PDE1A: variants seen among roughly 807,000 people sequenced by gnomAD.
PDE1A encodes dual specificity calcium/calmodulin-dependent 3',5'-cyclic nucleotide phosphodiesterase 1A.
PDE1A carries 35 observed loss-of-function variants against 61.7 expected under a neutral mutation model. The observed-to-expected ratio is 0.57, with a 90% CI of 0.43 to 0.75. The LOEUF (loss-of-function observed/expected upper bound fraction) is 0.75, where lower values mean the gene tolerates loss of function less well. Among genes scored for constraint, PDE1A ranks in the 30% least tolerant of loss-of-function variants. The probability of loss-of-function intolerance (pLI) is 0.00; values close to 1 mark genes in which losing one functional copy is unlikely to be tolerated. For synonymous variants in PDE1A, 232 were observed against 213.2 expected, an observed-to-expected ratio of 1.09 and a Z score of -0.77; for missense variants, 597 against 630.6, an observed-to-expected ratio of 0.95 and a Z score of 0.57.
chr2:182,394,105 AC>A (rs1338197376), intron 1 of PDE1A, among the ~76,000 whole-genome samples: 1 of 152,084 alleles, frequency 6.6e-6, no homozygotes. Context: ...TTAGAGCAGA[AC>A]CCCAATCTAT....
the PDE1A span, among the ~76,000 whole-genome samples, chr2:182,690,389 A>C: frequency 6.6e-6 from 1 of 152,200 alleles, no homozygotes; most frequent in Non-Finnish European, 1.5e-5. Context: ...GCAAATCAAT[A>C]AACGTAATCC....
intron 2 of PDE1A, among the ~76,000 whole-genome samples, chr2:182,245,125 C>T (rs1209376668): frequency 2.0e-5 from 3 of 152,148 alleles, no homozygotes; most frequent in Non-Finnish European, 4.4e-5. Context: ...AGCATGATTA[C>T]CTAGAGAACT....
chr2:182,685,276 G>T, the PDE1A span, among the ~76,000 whole-genome samples: 2 of 151,994 alleles, frequency 1.3e-5, no homozygotes, highest in African/African-American at 4.8e-5. Context: ...ACTGCTTATT[G>T]TTAGTCTTTG....
chr2:182,162,542 C>T (rs183080726), intron 13 of PDE1A, among the ~76,000 whole-genome samples: 1 of 152,262 alleles, frequency 6.6e-6, no homozygotes, highest in East Asian at 1.9e-4. Context: ...GACCCAGAGC[C>T]CTTTAAGTGA....
chr2:182,177,960 T>C (rs533785301), intron 13 of PDE1A, among the ~76,000 whole-genome samples: 9 of 152,338 alleles, frequency 5.9e-5, no homozygotes, highest in Admixed American at 2.0e-4. Flanking sequence ...CTTTGAATAA[T>C]AGTATTTTAA....
chr2:182,364,488 A>AAAAAACAACAAC (rs1559379213), intron 1 of PDE1A, among the ~76,000 whole-genome samples: 1 of 145,164 alleles, frequency 6.9e-6, no homozygotes, highest in African/African-American at 2.6e-5. Flanking sequence ...AAAAAAAAAA[A>AAAAAACAACAAC]AAAAAAAAAA....
chr2:182,677,146 T>C, the PDE1A span, among the ~76,000 whole-genome samples: 1 of 152,148 alleles, frequency 6.6e-6, no homozygotes, highest in Non-Finnish European at 1.5e-5. Flanking sequence ...GACAATATGA[T>C]TTGATATCAA....
chr2:182,168,433 C>T (rs1691809390), intron 13 of PDE1A: 3 of 734,450 alleles, frequency 4.1e-6, no homozygotes, highest in Admixed American at 3.5e-5. Flanking sequence ...ACATAATTGG[C>T]ATATTTTCCT....
chr2:182,614,843 C>T, the PDE1A span, among the ~76,000 whole-genome samples: 1 of 152,200 alleles, frequency 6.6e-6, no homozygotes, highest in African/African-American at 2.4e-5. Context: ...AGGCGTAAGC[C>T]ATTGTGCCCA....
At chr2:182,400,378 C>T (rs1701935542) in intron 1 of PDE1A, among the ~76,000 whole-genome samples, 1 of 152,208 alleles carries the variant, frequency 6.6e-6, no homozygotes, top group Non-Finnish European at 1.5e-5. Flanking sequence ...GAAACAGTTG[C>T]TCCATTTACA....
chr2:182,598,582 A>C, the PDE1A span, among the ~76,000 whole-genome samples: 1 of 151,772 alleles, frequency 6.6e-6, no homozygotes, highest in African/African-American at 2.4e-5. Context: ...AAAAACAAAA[A>C]CAAGGATCTT....
intron 13 of PDE1A, among the ~76,000 whole-genome samples, chr2:182,148,980 T>A (rs1469610510): frequency 6.6e-6 from 1 of 152,126 alleles, no homozygotes; most frequent in African/African-American, 2.4e-5. Flanking sequence ...GTTTTATGCA[T>A]CTTATTACTG....
At chr2:182,474,610 T>C (rs183328509) in intron 2 of PDE1A, among the ~76,000 whole-genome samples, 2 of 152,080 alleles carry the variant, frequency 1.3e-5, no homozygotes, top group Non-Finnish European at 2.9e-5. Context: ...ATAAAGCACA[T>C]AGTAGGTGCT....
intron 2 of PDE1A, among the ~76,000 whole-genome samples, chr2:182,514,429 A>ATAGT (rs1690009922): frequency 6.6e-6 from 1 of 152,216 alleles, no homozygotes; most frequent in Non-Finnish European, 1.5e-5. Flanking sequence ...GCTTCAAACT[A>ATAGT]TAGTACAAAG....
Position 182,294,013 on chromosome 2 carries a change from T to A in PDE1A, c.54-29599A>T, listed in dbSNP as rs181941567. ...GCAGATGATATTGATGACTGATGGG[T>A]AAGTAGCATATATAGCACAGCTACG... On this transcript the variant is annotated intron_variant, in intron 1 of 13. Transcript: ENST00000351439. Among the ~76,000 whole-genome samples the A allele has an allele frequency of 2.0e-5, 3 of 152,318 alleles. No homozygotes were observed. In the East Asian group the frequency reaches 5.8e-4, roughly 29 times the overall value.
intron 2 of PDE1A, among the ~76,000 whole-genome samples, chr2:182,434,806 C>G (rs1704129403): frequency 1.3e-5 from 2 of 151,988 alleles, no homozygotes. Context: ...ACTAGATTCC[C>G]TTGATTTGTG....
At chr2:182,209,653 ATGAG>A (rs1413232253) in intron 7 of PDE1A, among the ~76,000 whole-genome samples, 5 of 151,842 alleles carry the variant, frequency 3.3e-5, no homozygotes, top group South Asian at 4.2e-4. Flanking sequence ...TCTCATGATA[ATGAG>A]TGAGTTCTCA....
upstream of PDE1A, among the ~76,000 whole-genome samples, chr2:182,526,689 T>C (rs185682012): frequency 1.7e-3 from 255 of 152,318 alleles, 1 homozygote; most frequent in Non-Finnish European, 2.5e-3. Context: ...TAAAATGATC[T>C]TGGGTTAGTG....
intron 2 of PDE1A, among the ~76,000 whole-genome samples, chr2:182,448,155 T>C (rs1685264786): frequency 6.6e-6 from 1 of 152,116 alleles, no homozygotes; most frequent in Non-Finnish European, 1.5e-5. Context: ...TTTCCTAACA[T>C]TTCAAGATTC....
Sources: allele counts gnomAD v4.1 joint callset (sites outside exome capture counted in the v4.1 genomes callset), GRCh38; gene constraint gnomAD v4.1.1; transcripts MANE v1.5; gene names NCBI Gene and HGNC (gene_info 2026-07-23, HGNC 2026-07-21).